The following DCLRE1C variants were observed in gnomAD, a reference collection of about 807,000 sequenced individuals.
DCLRE1C encodes the protein DNA cross-link repair 1C, also known as protein artemis.
DCLRE1C carries 47 observed loss-of-function variants against 61.4 expected under a neutral mutation model. That is an observed-to-expected ratio of 0.77 (90% CI 0.61 to 0.98). The LOEUF (loss-of-function observed/expected upper bound fraction) is 0.98, where lower values mean the gene tolerates loss of function less well. DCLRE1C is among the 50% of genes least tolerant of loss of function. The pLI is 0.00. For synonymous variants in DCLRE1C, 337 were observed against 287.6 expected (o/e 1.17, Z -1.74); for missense variants, 858 against 816.0 (o/e 1.05, Z -0.63).
chr10:14,940,685 T>C (rs529646842), intron 3 of DCLRE1C, among the ~76,000 whole-genome samples: 3 of 152,364 alleles, frequency 2.0e-5, no homozygotes, highest in East Asian at 1.9e-4. Context: ...AGTAAGTATC[T>C]GATGAATAGA....
upstream of DCLRE1C, chr10:14,954,253 C>G: frequency 1.6e-6 from 1 of 619,296 alleles, no homozygotes. Context: ...GGGCCCTGAG[C>G]CCTGCCCAGT....
chr10:14,916,015 C>G (rs1300571659), intron 13 of DCLRE1C, among the ~76,000 whole-genome samples: 1 of 152,146 alleles, frequency 6.6e-6, no homozygotes, highest in Non-Finnish European at 1.5e-5. Context: ...ATCATCTCAA[C>G]AAATACAGAA....
intron 4 of DCLRE1C, among the ~76,000 whole-genome samples, chr10:14,937,066 G>C (rs1013025779): frequency 5.3e-5 from 8 of 152,188 alleles, no homozygotes; most frequent in African/African-American, 1.9e-4. Context: ...CATGTTGTAT[G>C]ATTCCACTCA....
At chr10:14,940,792 AC>A in intron 3 of DCLRE1C, among the ~76,000 whole-genome samples, 1 of 152,206 alleles carries the variant, frequency 6.6e-6, no homozygotes, top group Non-Finnish European at 1.5e-5. Flanking sequence ...CTGGAATGAA[AC>A]ATCTTATTCA....
chr10:14,936,430 G>C, intron 5 of DCLRE1C, 108 bp downstream of exon 5: 1 of 819,398 alleles, frequency 1.2e-6, no homozygotes, highest in South Asian at 1.5e-5. Flanking sequence ...TTACAGACAT[G>C]TGCCACTGCA....
At chr10:14,923,104 C>G (rs374064546) in intron 11 of DCLRE1C, 35 bp from the exon 12 acceptor site, 1 of 1,506,112 alleles carries the variant, frequency 6.6e-7, no homozygotes, top group South Asian at 1.1e-5. Context: ...TCAACAATCT[C>G]TACGATGAAA....
chr10:14,899,476 A>T, intron 13 of DCLRE1C: 1 of 1,544,390 alleles, frequency 6.5e-7, no homozygotes, highest in Non-Finnish European at 8.9e-7. Context: ...ATTAGTAGAT[A>T]GGTAGATGAA....
downstream of DCLRE1C, among the ~76,000 whole-genome samples, chr10:14,901,443 C>T (rs1588864256): frequency 6.6e-6 from 1 of 152,186 alleles, no homozygotes; most frequent in South Asian, 2.1e-4. Flanking sequence ...CCCAGGTCTG[C>T]CTGAGCTTCA....
intron 5 of DCLRE1C, 25 bp downstream of exon 5, chr10:14,936,513 A>G (rs1208366985): frequency 6.3e-7 from 1 of 1,595,122 alleles, no homozygotes; most frequent in Non-Finnish European, 8.6e-7. Context: ...ATATAATAAA[A>G]TGACAAAATA....
intron 1 of DCLRE1C, among the ~76,000 whole-genome samples, chr10:14,949,759 AAC>A (rs1842189173): frequency 6.6e-6 from 1 of 152,250 alleles, no homozygotes; most frequent in African/African-American, 2.4e-5. Flanking sequence ...TGTTTAACTA[AAC>A]CAGTTGGACA....
chr10:14,919,065 TATC>T (rs948747148), intron 13 of DCLRE1C, among the ~76,000 whole-genome samples: 3 of 152,180 alleles, frequency 2.0e-5, no homozygotes, highest in Admixed American at 6.6e-5. Context: ...CAAAAAATAG[TATC>T]ATCATTATCT....
At chr10:14,913,628 T>C (rs969258752) in intron 13 of DCLRE1C, among the ~76,000 whole-genome samples, 1 of 152,170 alleles carries the variant, frequency 6.6e-6, no homozygotes, top group African/African-American at 2.4e-5. Flanking sequence ...TAGATTTGAC[T>C]GACCACAGAT....
chr10:14,911,796 G>C (rs761573266), intron 13 of DCLRE1C, among the ~76,000 whole-genome samples: 2 of 152,110 alleles, frequency 1.3e-5, no homozygotes, highest in Non-Finnish European at 2.9e-5. Context: ...GATCAGAATA[G>C]ACATTTCACT....
intron 4 of DCLRE1C, 73 bp downstream of exon 4, chr10:14,939,737 A>G: frequency 7.5e-7 from 1 of 1,341,770 alleles, no homozygotes; most frequent in Non-Finnish European, 1.1e-6. Flanking sequence ...TGACTGCAAA[A>G]TCAAAGAGAA....
rs41300672 is a variant in DCLRE1C, at chr10:14,908,942, T to C, written c.1545A>G (p.Gly515=). 284 of 1,613,690 alleles carry C rather than the reference T, an allele frequency of 1.8e-4. 2 individuals carry two copies. The East Asian group carries it at 5.6e-3, about 32-fold the overall frequency. Residue 515 remains glycine, a synonymous_variant, in exon 14 of 14, where the codon GGA becomes GGG. Coordinates refer to ENST00000378278, the MANE Select transcript of DCLRE1C (RefSeq NM_001033855.3). ...CACTGAAAAGCTTTGGTGACTGAGA[T>C]CCCCCTGCCACTGTGGAGGAAGGGA... ...ENFPSSTVAG[G]SQSPKLFSDS...
Position 14,909,159 on chromosome 10 carries a change from C to G in DCLRE1C, c.1328G>C (p.Ser443Thr). The G allele has an allele frequency of 6.2e-7, 1 of 1,614,212 alleles. No individual in the cohort carries two copies. Among genetic ancestry groups the G allele is most frequent in the Non-Finnish European group, 8.5e-7 (1 of 1,180,028 alleles). ...PGCCRAECMQ[S>T]SRFTNFVDCE... ...ATCTACAAAGTTTGTGAAACGAGAG[C>G]TCTGCATACACTCTGCTCTGCAGCA... Residue 443 changes from serine (S) to threonine (T), a missense_variant, in exon 14 of 14, where the codon AGC becomes ACC. Ser to Thr is a moderately conservative substitution (Grantham distance 58). This residue lies in a region of DCLRE1C where 843 missense variants were observed against 783.5 expected (regional missense o/e 1.08). Coordinates refer to ENST00000378278, the MANE Select transcript of DCLRE1C (RefSeq NM_001033855.3).
chr10:14,950,878 T>C (rs775469310), intron 1 of DCLRE1C, among the ~76,000 whole-genome samples: 17 of 152,114 alleles, frequency 1.1e-4, no homozygotes, highest in Non-Finnish European at 2.2e-4. Context: ...GTTTTCCTTT[T>C]CCTTGGCAAC....
At chr10:14,953,686 G>A (rs1170657178) in intron 1 of DCLRE1C, among the ~76,000 whole-genome samples, 1 of 152,190 alleles carries the variant, frequency 6.6e-6, no homozygotes, top group East Asian at 1.9e-4. Context: ...CCGGCCCGGG[G>A]CGCAACTGGC....
rs115066096 is a variant in DCLRE1C at position 14,908,641 on chromosome 10, G to A, written c.1846C>T (p.Pro616Ser). The change falls in exon 14 of 14, where the codon CCT becomes TCT. Residue 616 changes from proline to serine, a missense_variant. Coordinates refer to ENST00000378278, the MANE Select transcript of DCLRE1C (RefSeq NM_001033855.3). Reference protein sequence around the residue: ...KSRDKDVTIVPSTGEPTTLSS... With the variant: ...KSRDKDVTIVSSTGEPTTLSS... Reference sequence around the variant, plus strand: ...AGAGTAGTTGGTTCTCCAGTACTAGGAACTATTGTCACATCTTTATCTCTG... The same window carrying A: ...AGAGTAGTTGGTTCTCCAGTACTAGAAACTATTGTCACATCTTTATCTCTG... 4.3e-6 allele frequency: 7 copies of A among 1,614,016 alleles called. No homozygotes were observed. Among genetic ancestry groups the A allele is most frequent in the Admixed American group, 1.7e-5 (1 of 59,986 alleles).
Sources: gnomAD v4.1 joint callset for allele counts (sites outside exome capture counted in the v4.1 genomes callset) on GRCh38, gnomAD v4.1.1 for gene constraint, gnomAD v4.1.1 regional missense constraint, MANE v1.5 for transcripts, NCBI Gene and HGNC (gene_info 2026-07-23, HGNC 2026-07-21) for gene names.